ATP10D: variants seen among roughly 807,000 people sequenced by gnomAD.
ATP10D encodes the protein phospholipid-transporting ATPase VD.
Under a neutral mutation model 144.8 loss-of-function variants are expected in ATP10D, and 89 were observed. The observed-to-expected ratio is 0.61, with a 90% CI of 0.52 to 0.73. The LOEUF (loss-of-function observed/expected upper bound fraction) is 0.73, where lower values mean the gene tolerates loss of function less well. ATP10D is among the 30% of genes least tolerant of loss of function. The pLI, the probability that ATP10D is intolerant of heterozygous loss-of-function variation, is 0.00. For synonymous variants in ATP10D, 571 were observed against 615.1 expected, an observed-to-expected ratio of 0.93 and a Z score of 1.06; for missense variants, 1,603 against 1,714.8, an observed-to-expected ratio of 0.93 and a Z score of 1.15.
intron 5 of ATP10D, among the ~76,000 whole-genome samples, chr4:47,529,039 G>T (rs1219586483): frequency 6.6e-6 from 1 of 151,822 alleles, no homozygotes; most frequent in Non-Finnish European, 1.5e-5. Flanking sequence ...TCTGGATATT[G>T]GTTCTTTGTT....
At chr4:47,523,707 A>G (rs577358950) in intron 4 of ATP10D, among the ~76,000 whole-genome samples, 2 of 152,352 alleles carry the variant, frequency 1.3e-5, no homozygotes, top group East Asian at 3.9e-4. Flanking sequence ...TGGACAAGTC[A>G]TTTAAACACT....
chr4:47,547,627 C>G (rs1002471033), intron 10 of ATP10D: 7 of 151,400 alleles, frequency 4.6e-5, no homozygotes, highest in Non-Finnish European at 8.8e-5. Context: ...TCCCAGCCAT[C>G]AGACTGATAA....
chr4:47,536,248 A>C (rs891442277), intron 7 of ATP10D, among the ~76,000 whole-genome samples, 189 bp from the exon 8 acceptor site: 13 of 151,850 alleles, frequency 8.6e-5, no homozygotes, highest in Non-Finnish European at 1.9e-4. Flanking sequence ...AAACCTGGAG[A>C]GTGACTTAAA....
rs1295613825 is a variant in ATP10D at position 47,535,934 on chromosome 4, G to A, written c.916G>A (p.Gly306Arg). Residue 306 changes from glycine to arginine, a missense_variant, in exon 7 of 23, where the codon GGG (glycine) becomes AGG (arginine). Gly to Arg is a moderately radical substitution (Grantham distance 125). Transcript: ENST00000273859. ...HETKAMLNNS[G>R]PRYKRSKLER... is the part of the protein sequence containing the mutation. ...AACCAAAGCAATGCTGAACAACAGT[G>A]GGCCACGGTATAAGCGCAGCAAATT... The A allele has an allele frequency of 1.2e-6, 2 of 1,612,934 alleles. No individual in the cohort carries two copies. The highest frequency in any genetic ancestry group is 1.7e-6 in the Non-Finnish European group (2 of 1,179,260).
chr4:47,515,745 C>G, intron 3 of ATP10D, 75 bp downstream of exon 3: 2 of 1,241,260 alleles, frequency 1.6e-6, no homozygotes, highest in Non-Finnish European at 1.1e-6. Flanking sequence ...CTTTTTTCTC[C>G]TTAGGTGTGA....
chr4:47,567,856 C>T (rs1719725190), intron 15 of ATP10D, among the ~76,000 whole-genome samples: 1 of 152,198 alleles, frequency 6.6e-6, no homozygotes, highest in Non-Finnish European at 1.5e-5. Context: ...TTGAGAAATG[C>T]TTGATAAAAC....
intron 9 of ATP10D, among the ~76,000 whole-genome samples, chr4:47,545,889 T>C (rs1258170596): frequency 6.6e-6 from 1 of 152,122 alleles, no homozygotes; most frequent in East Asian, 1.9e-4. Flanking sequence ...GTGAGGTCAT[T>C]TCAAAGATGG....
chr4:47,580,418 C>G lies in ATP10D; in HGVS notation c.3588C>G (p.Phe1196Leu), dbSNP rs367938126. The change falls in exon 20 of 23, where the codon TTC becomes TTG. Residue 1196 changes from phenylalanine (F) to leucine (L), a missense_variant. Coordinates refer to ENST00000273859, the MANE Select transcript of ATP10D (RefSeq NM_020453.4). ...TCTAGGCATACTTACCCCATACCTT[C>G]TGGATCACCTTATTGGATGCTTTTT... ...QKSEAYLPHT[F>L]WITLLDAFYQ... 6.2e-7 allele frequency: 1 copy of G among 1,613,616 alleles called. No homozygotes were observed.
intron 21 of ATP10D, 121 bp from the exon 22 acceptor site, chr4:47,586,898 T>C (rs1720814309): frequency 2.4e-6 from 2 of 820,566 alleles, no homozygotes. Context: ...TTTATTCAGG[T>C]TTGTTACACC....
At chr4:47,577,130 T>G (rs1285958806) in intron 19 of ATP10D, among the ~76,000 whole-genome samples, 157 bp downstream of exon 19, 1 of 152,238 alleles carries the variant, frequency 6.6e-6, no homozygotes, top group African/African-American at 2.4e-5. Flanking sequence ...TTCACTTACT[T>G]AACTTTGAGG....
intron 4 of ATP10D, among the ~76,000 whole-genome samples, chr4:47,524,588 C>G (rs1388238138): frequency 1.3e-5 from 2 of 152,208 alleles, no homozygotes; most frequent in Admixed American, 6.5e-5. Context: ...TAATACTAAT[C>G]AGCACACTGT....
At chr4:47,550,816 C>T (rs1057183770) in intron 10 of ATP10D, among the ~76,000 whole-genome samples, 3 of 152,128 alleles carry the variant, frequency 2.0e-5, no homozygotes, top group African/African-American at 4.8e-5. Flanking sequence ...CTGCCAGATC[C>T]GCAGGGGTGG....
intron 19 of ATP10D, among the ~76,000 whole-genome samples, chr4:47,579,634 AC>A (rs1720411698): frequency 6.6e-6 from 1 of 152,234 alleles, no homozygotes; most frequent in Non-Finnish European, 1.5e-5. Flanking sequence ...TGGATTTGGC[AC>A]ATTTGAGGAA....
At chr4:47,567,470 G>T (rs1306332333) in intron 15 of ATP10D, among the ~76,000 whole-genome samples, 4 of 152,050 alleles carry the variant, frequency 2.6e-5, no homozygotes, top group Non-Finnish European at 4.4e-5. Context: ...AAGCATATTG[G>T]TGCCACAAAG....
rs973068601 is a variant in ATP10D at position 47,505,177 on chromosome 4, G to A, written c.-37-7327G>A. On this transcript the variant is annotated intron_variant, in intron 1 of 22. Transcript: ENST00000273859. ...TAGACATGAGGATCTTCTTGTATCC[G>A]CTGTCAAGCCATTAGTGCATAGCTG... Among the ~76,000 whole-genome samples the A allele has an allele frequency of 9.2e-5, 14 of 152,144 alleles. No individual in the cohort carries two copies. In the East Asian group the frequency reaches 9.6e-4, roughly 10 times the overall value.
intron 3 of ATP10D, among the ~76,000 whole-genome samples, chr4:47,522,664 G>C (rs1033749222): frequency 5.3e-5 from 8 of 152,280 alleles, no homozygotes; most frequent in South Asian, 2.1e-4. Context: ...CCACCTCCTG[G>C]GTTCAAGCGA....
chr4:47,572,132 C>T, intron 16 of ATP10D, 22 bp from the exon 17 acceptor site: 1 of 1,612,060 alleles, frequency 6.2e-7, no homozygotes. Context: ...ATGTTTCTCT[C>T]CTTTTTTTCT....
intron 5 of ATP10D, 44 bp from the exon 6 acceptor site, chr4:47,535,465 C>T: frequency 1.4e-6 from 2 of 1,468,988 alleles, no homozygotes; most frequent in Non-Finnish European, 1.9e-6. Flanking sequence ...TATATCCCCA[C>T]TTTTGCTGTT....
chr4:47,535,683 TC>T (rs1442984515), intron 6 of ATP10D, 68 bp downstream of exon 6: 2 of 1,497,958 alleles, frequency 1.3e-6, no homozygotes, highest in Non-Finnish European at 9.0e-7. Flanking sequence ...TTTCATTTAC[TC>T]AAAAATGCAA....
Sources: allele counts gnomAD v4.1 joint callset (sites outside exome capture counted in the v4.1 genomes callset), GRCh38; gene constraint gnomAD v4.1.1; transcripts MANE v1.5; gene names NCBI Gene and HGNC (gene_info 2026-07-23, HGNC 2026-07-21).